GALNT13: variants seen among roughly 807,000 people sequenced by gnomAD.
The protein encoded by GALNT13 is UDP-GalNAc:polypeptide N-acetylgalactosaminyltransferase 13.
GALNT13 carries 28 observed loss-of-function variants against 64.2 expected under a neutral mutation model. The ratio of observed to expected loss-of-function variants is 0.44; its 90% CI spans 0.32 to 0.60. The LOEUF (loss-of-function observed/expected upper bound fraction) is 0.60, where lower values mean the gene tolerates loss of function less well. GALNT13 is among the 20% of genes least tolerant of loss of function. The pLI is 0.05. For synonymous variants in GALNT13, 214 were observed against 224.6 expected, an observed-to-expected ratio of 0.95 and a Z score of 0.42; for missense variants, 577 against 669.8, an observed-to-expected ratio of 0.86 and a Z score of 1.53.
chr2:153,454,622 T>C, the GALNT13 span, among the ~76,000 whole-genome samples: 1 of 152,208 alleles, frequency 6.6e-6, no homozygotes, highest in East Asian at 1.9e-4. Context: ...ACACATTACA[T>C]TTGTCCAAGA....
the GALNT13 span, chr2:153,420,870 A>G: frequency 8.1e-6 from 2 of 246,206 alleles, 1 homozygote; most frequent in Non-Finnish European, 1.8e-5. Context: ...AGCAATGGCT[A>G]TGGTGTTGCT....
chr2:153,387,694 A>AAACTGTAGCCCAAAC, the GALNT13 span, among the ~76,000 whole-genome samples: 1 of 152,072 alleles, frequency 6.6e-6, no homozygotes, highest in African/African-American at 2.4e-5. Context: ...CACAACTCTT[A>AAACTGTAGCCCAAAC]AACTGTAGCC....
the GALNT13 span, among the ~76,000 whole-genome samples, chr2:153,748,460 CA>C: frequency 2.6e-5 from 4 of 151,980 alleles, no homozygotes; most frequent in Non-Finnish European, 2.9e-5. Context: ...GTCTTTTGGA[CA>C]AGTCATTTTA....
chr2:153,107,795 A>G, the GALNT13 span, among the ~76,000 whole-genome samples: 2 of 152,176 alleles, frequency 1.3e-5, no homozygotes, highest in Non-Finnish European at 2.9e-5. Context: ...ATAGCTCCAC[A>G]TTGCAGGGAG....
chr2:154,279,148 T>C (rs1219275483), intron 8 of GALNT13, among the ~76,000 whole-genome samples: 2 of 152,124 alleles, frequency 1.3e-5, no homozygotes, highest in Non-Finnish European at 2.9e-5. Flanking sequence ...TACTATGTCC[T>C]TACCAGAACA....
chr2:153,360,739 G>C, the GALNT13 span, among the ~76,000 whole-genome samples: 2 of 152,166 alleles, frequency 1.3e-5, no homozygotes, highest in African/African-American at 2.4e-5. Context: ...GAGCCCCTAG[G>C]GGGAGGGGTG....
At chr2:154,248,340 G>A (rs568623799) in intron 7 of GALNT13, among the ~76,000 whole-genome samples, 5 of 152,030 alleles carry the variant, frequency 3.3e-5, no homozygotes, top group African/African-American at 1.2e-4. Context: ...TGAAATACTT[G>A]TTAATTTTCA....
At chr2:153,872,862 A>C (rs1686077035) in intron 1 of GALNT13, among the ~76,000 whole-genome samples, 1 of 151,786 alleles carries the variant, frequency 6.6e-6, no homozygotes, top group South Asian at 2.1e-4. Flanking sequence ...CTTGCCTCTC[A>C]TTCTCGCCGT....
At chr2:153,817,174 A>G in the GALNT13 span, among the ~76,000 whole-genome samples, 1 of 152,202 alleles carries the variant, frequency 6.6e-6, no homozygotes, top group Non-Finnish European at 1.5e-5. Context: ...TCCTCGGTGT[A>G]ATTACATGTG....
chr2:153,543,273 C>T, the GALNT13 span, among the ~76,000 whole-genome samples: 1 of 152,154 alleles, frequency 6.6e-6, no homozygotes, highest in East Asian at 1.9e-4. Context: ...AATCATCTCA[C>T]AGAAGCTGAA....
At chr2:153,223,890 A>G in the GALNT13 span, among the ~76,000 whole-genome samples, 2 of 152,184 alleles carry the variant, frequency 1.3e-5, no homozygotes, top group African/African-American at 2.4e-5. Context: ...GAATCACTTG[A>G]ACCTGGGAGG....
intron 3 of GALNT13, among the ~76,000 whole-genome samples, chr2:154,021,872 TC>T (rs1216664503): frequency 2.6e-5 from 4 of 151,206 alleles, no homozygotes. Context: ...TTGAGATACA[TC>T]CCATCAATAC....
In GALNT13 at chr2:154,397,193, C is replaced by T. The variant is rs910745232; in HGVS notation, c.1296+1063C>T. On this transcript the variant is annotated intron_variant, in intron 10 of 12. Coordinates refer to ENST00000392825, the MANE Select transcript of GALNT13 (RefSeq NM_052917.4). Reference sequence around the variant, plus strand: ...GTTCACGACTGTAATCCCAGCACTTCGGGAGGCCAAGGCAGGCGGATCATG... The same window carrying T: ...GTTCACGACTGTAATCCCAGCACTTTGGGAGGCCAAGGCAGGCGGATCATG... Among the ~76,000 whole-genome samples the T allele has an allele frequency of 3.3e-5, 5 of 151,962 alleles. No individual in the cohort carries two copies. The East Asian group carries it at 7.8e-4, about 24-fold the overall frequency.
At chr2:153,959,668 G>A (rs1226359498) in intron 3 of GALNT13, among the ~76,000 whole-genome samples, 2 of 152,216 alleles carry the variant, frequency 1.3e-5, no homozygotes, top group African/African-American at 2.4e-5. Flanking sequence ...AGCAGAAATG[G>A]CACAGACTGT....
At chr2:153,608,590 T>C in the GALNT13 span, among the ~76,000 whole-genome samples, 1 of 150,520 alleles carries the variant, frequency 6.6e-6, no homozygotes, top group Non-Finnish European at 1.5e-5. Context: ...ATTACTTTAA[T>C]GCCTTCTTAT....
chr2:153,140,573 C>A, the GALNT13 span, among the ~76,000 whole-genome samples: 1 of 151,936 alleles, frequency 6.6e-6, no homozygotes, highest in Non-Finnish European at 1.5e-5. Flanking sequence ...TTGTAGGACC[C>A]CAGAATCTAT....
the GALNT13 span, among the ~76,000 whole-genome samples, chr2:153,076,941 T>A: frequency 6.6e-6 from 1 of 151,588 alleles, no homozygotes; most frequent in Non-Finnish European, 1.5e-5. Flanking sequence ...TTTTATTTAT[T>A]TTAAAATTTT....
chr2:153,109,176 CT>C, the GALNT13 span, among the ~76,000 whole-genome samples: 1 of 152,118 alleles, frequency 6.6e-6, no homozygotes, highest in Non-Finnish European at 1.5e-5. Context: ...ATGTCATAGA[CT>C]GTGAGACTTC....
intron 9 of GALNT13, among the ~76,000 whole-genome samples, chr2:154,314,173 T>G (rs1694206224): frequency 6.6e-6 from 1 of 152,202 alleles, no homozygotes; most frequent in Non-Finnish European, 1.5e-5. Context: ...TCTTTCAACC[T>G]ACTCTTCAGA....
Sources: gnomAD v4.1 joint callset for allele counts (sites outside exome capture counted in the v4.1 genomes callset) on GRCh38, gnomAD v4.1.1 for gene constraint, MANE v1.5 for transcripts, NCBI Gene and HGNC (gene_info 2026-07-23, HGNC 2026-07-21) for gene names.